PLLP: variants seen among roughly 807,000 people sequenced by gnomAD.
PLLP encodes the protein plasmolipin, also known as plasma membrane proteolipid (plasmolipin).
Under a neutral mutation model 19.7 loss-of-function variants are expected in PLLP, and 15 were observed. The ratio of observed to expected loss-of-function variants is 0.76; its 90% CI spans 0.51 to 1.17. The LOEUF is 1.17. Among genes scored for constraint, PLLP ranks in the 50% most tolerant of loss-of-function variants. PLLP has a pLI of 0.00. For synonymous variants in PLLP, 111 were observed against 116.3 expected (o/e 0.95, Z 0.29); for missense variants, 255 against 258.3 (o/e 0.99, Z 0.09).
intron 1 of PLLP, among the ~76,000 whole-genome samples, chr16:57,267,694 G>A (rs929557968): frequency 4.0e-5 from 6 of 151,700 alleles, no homozygotes; most frequent in Admixed American, 2.6e-4. Flanking sequence ...CCTGGCCAAC[G>A]TGGTGAAACC....
rs1901264915 is a variant in PLLP, at chr16:57,284,672, C to A, written c.-132G>T. On this transcript the variant is annotated 5_prime_UTR_variant, in exon 1 of 4. Transcript: ENST00000219207. ...TGGCTCCAGGCGCTGCAGGAGGCGTCGGGGCTGGGAGCCTGGGGCGCCAGG... is the reference window on the plus strand; with the variant it reads ...TGGCTCCAGGCGCTGCAGGAGGCGTAGGGGCTGGGAGCCTGGGGCGCCAGG... 3.2e-6 allele frequency: 3 copies of A among 933,510 alleles called. No individual in the cohort carries two copies. Among genetic ancestry groups the A allele is most frequent in the East Asian group, 3.3e-5 (1 of 30,024 alleles). The allele number at this position is 933,510 out of a possible 1,614,324, so 57.8% of individuals were successfully genotyped here. A position where few individuals can be genotyped will look rare whatever the true frequency, so the allele number is the denominator to read the frequency against.
intron 1 of PLLP, among the ~76,000 whole-genome samples, chr16:57,275,816 C>T (rs1287617598): frequency 6.6e-6 from 1 of 152,184 alleles, no homozygotes; most frequent in African/African-American, 2.4e-5. Flanking sequence ...ATACAAACGG[C>T]TCTTAAACAT....
chr16:57,277,410 T>A (rs1221193346), intron 1 of PLLP, among the ~76,000 whole-genome samples: 3 of 152,114 alleles, frequency 2.0e-5, no homozygotes, highest in African/African-American at 4.8e-5. Context: ...ATCAACATGG[T>A]GAAACCCTGT....
At chr16:57,270,151 C>G (rs1447085189) in intron 1 of PLLP, among the ~76,000 whole-genome samples, 4 of 152,108 alleles carry the variant, frequency 2.6e-5, no homozygotes, top group African/African-American at 9.7e-5. Flanking sequence ...GGCAGCAAAT[C>G]CTTCCATGGC....
At chr16:57,282,939 T>G (rs1034208843) in intron 1 of PLLP, among the ~76,000 whole-genome samples, 6 of 152,106 alleles carry the variant, frequency 3.9e-5, no homozygotes, top group Non-Finnish European at 8.8e-5. Context: ...GGCTCTCCCC[T>G]GGGCAGCCAG....
intron 2 of PLLP, 28 bp downstream of exon 2, chr16:57,261,869 C>A (rs1225851561): frequency 6.2e-7 from 1 of 1,608,944 alleles, no homozygotes; most frequent in East Asian, 2.2e-5. Flanking sequence ...CTGTCATAGC[C>A]ACTTCCAGTA....
chr16:57,256,969 A>T lies in PLLP; in HGVS notation c.493T>A (p.Trp165Arg), dbSNP rs2075427820. 1.2e-6 allele frequency: 2 copies of T among 1,613,866 alleles called. No individual in the cohort carries two copies. Among genetic ancestry groups the T allele is most frequent in the Non-Finnish European group, 1.7e-6 (2 of 1,179,968 alleles). Residue 165 changes from tryptophan (W) to arginine (R), a missense_variant, in exon 4 of 4, where the codon TGG (tryptophan) becomes AGG (arginine). By Grantham distance (101) the Trp-to-Arg change is moderately radical. Transcript: ENST00000219207. ...GVSAFFSYQA[W>R]RGVGSNAATS... ...GCCGCATTGCTGCCTACTCCTCGCC[A>T]GGCCTGGTAGCTGAAGAAGGCACTC...
At chr16:57,284,071 G>GACTGTGGCTCCGGTGGGGGCT (rs1901251395) in intron 1 of PLLP, among the ~76,000 whole-genome samples, 1 of 152,168 alleles carries the variant, frequency 6.6e-6, no homozygotes, top group East Asian at 1.9e-4. Flanking sequence ...TGTGCGCAGT[G>GACTGTGGCTCCGGTGGGGGCT]ACTGTGGCTC....
rs1171689307 is a variant in PLLP at position 57,261,944 on chromosome 16, G to C, written c.262C>G (p.Leu88Val). The change falls in exon 2 of 4, where the codon CTG (leucine) becomes GTG (valine). Residue 88 changes from leucine to valine, a missense_variant. Coordinates refer to ENST00000219207, the MANE Select transcript of PLLP (RefSeq NM_015993.3). ...TACAACTTCATGTGCAGCTGAAACA[G>C]GTAGAGGTTGAAGAGGACGATTGTC... ...LVTIVLFNLYLFQLHMKLYMV... is the reference protein window; with the variant it reads ...LVTIVLFNLYVFQLHMKLYMV... The C allele has an allele frequency of 1.2e-6, 2 of 1,614,134 alleles. No individual in the cohort carries two copies. The highest frequency in any genetic ancestry group is 1.7e-6 in the Non-Finnish European group (2 of 1,180,018).
Position 57,256,959 on chromosome 16 carries a change from ACTC to A in PLLP, c.500_502del (p.Gly167del). On this transcript the variant is annotated inframe_deletion, in exon 4 of 4. Transcript: ENST00000219207. Reference sequence around the variant, plus strand: ...CTGACTGGTGGCCGCATTGCTGCCTACTCCTCGCCAGGCCTGGTAGCTGAAGAA... The same window carrying A: ...CTGACTGGTGGCCGCATTGCTGCCTACTCGCCAGGCCTGGTAGCTGAAGAA... 1 of 1,613,734 alleles carries A rather than the reference ACTC, an allele frequency of 6.2e-7. No homozygotes were observed. Among genetic ancestry groups the A allele is most frequent in the Non-Finnish European group, 8.5e-7 (1 of 1,179,852 alleles).
At chr16:57,257,673 C>T (rs2075430090) in intron 3 of PLLP, among the ~76,000 whole-genome samples, 1 of 152,178 alleles carries the variant, frequency 6.6e-6, no homozygotes, top group South Asian at 2.1e-4. Flanking sequence ...TGAAGGGTGA[C>T]AGGCGTGGAG....
chr16:57,269,430 G>T (rs1199631536), intron 1 of PLLP, among the ~76,000 whole-genome samples: 1 of 152,190 alleles, frequency 6.6e-6, no homozygotes, highest in African/African-American at 2.4e-5. Context: ...GGACCCTAGG[G>T]GGACACCTGC....
chr16:57,273,463 T>G (rs1172434596), intron 1 of PLLP, among the ~76,000 whole-genome samples: 1 of 152,106 alleles, frequency 6.6e-6, no homozygotes, highest in Non-Finnish European at 1.5e-5. Context: ...CAACTCCCTG[T>G]GAGACCCTGG....
chr16:57,267,706 T>C (rs1475611923), intron 1 of PLLP, among the ~76,000 whole-genome samples: 1 of 151,656 alleles, frequency 6.6e-6, no homozygotes, highest in Non-Finnish European at 1.5e-5. Context: ...GGTGAAACCC[T>C]GCCTCTACTA....
intron 3 of PLLP, 118 bp from the exon 4 acceptor site, chr16:57,257,147 G>A (rs1483737586): frequency 9.8e-6 from 7 of 712,656 alleles, no homozygotes; most frequent in East Asian, 7.5e-5. Flanking sequence ...CACTTAGCCA[G>A]ATGCATTTCA....
In PLLP at chr16:57,261,820, C is replaced by G. The variant is rs906808195; in HGVS notation, c.309+77G>C. 102 of 1,359,262 alleles carry G rather than the reference C, an allele frequency of 7.5e-5. No homozygotes were observed. The Middle Eastern group carries it at 1.2e-3, about 17-fold the overall frequency. 84.2% of individuals were successfully genotyped at this position (1,359,262 alleles called of 1,614,324 possible). ...CAGTGAGGATGTCAGGCCACCCCCC[C>G]ACACCCTGCCACTTCTTCTAGGGAA... On this transcript the variant is annotated intron_variant, in intron 2 of 3. Transcript: ENST00000219207.
Position 57,284,657 on chromosome 16 carries a change from C to A in PLLP, c.-117G>T, listed in dbSNP as rs1183830359. ...CTCCGGATCCCTGTGTGGCTCCAGG[C>A]GCTGCAGGAGGCGTCGGGGCTGGGA... is the stretch of plus-strand genomic sequence containing the variant. On this transcript the variant is annotated 5_prime_UTR_variant, in exon 1 of 4. Coordinates refer to ENST00000219207, the MANE Select transcript of PLLP (RefSeq NM_015993.3). The A allele has an allele frequency of 1.7e-5, 18 of 1,062,534 alleles. No individual in the cohort carries two copies. Among genetic ancestry groups the A allele is most frequent in the South Asian group, 4.0e-5 (1 of 24,812 alleles). 65.8% of individuals were successfully genotyped at this position (1,062,534 alleles called of 1,614,324 possible). A position where few individuals can be genotyped will look rare whatever the true frequency, so the allele number is the denominator to read the frequency against.
intron 1 of PLLP, 49 bp from the exon 2 acceptor site, chr16:57,262,119 C>T: frequency 6.3e-7 from 1 of 1,574,932 alleles, no homozygotes; most frequent in South Asian, 1.1e-5. Flanking sequence ...GGTTTCATTT[C>T]TTATCTAGCT....
intron 2 of PLLP, among the ~76,000 whole-genome samples, chr16:57,261,466 C>T (rs2075441605): frequency 6.6e-6 from 1 of 152,038 alleles, no homozygotes; most frequent in Admixed American, 6.6e-5. Context: ...CCTGTACTCC[C>T]AGAATTTTGG....
Sources: allele counts gnomAD v4.1 joint callset (sites outside exome capture counted in the v4.1 genomes callset), GRCh38; gene constraint gnomAD v4.1.1; transcripts MANE v1.5; gene names NCBI Gene and HGNC (gene_info 2026-07-23, HGNC 2026-07-21).